NHSL2: variants seen among roughly 807,000 people sequenced by gnomAD.
The protein encoded by NHSL2 is NHS like 2.
In NHSL2, 27 loss-of-function variants were observed where a neutral mutation model predicts 53.4. The observed-to-expected ratio is 0.51, with a 90% CI of 0.37 to 0.70. NHSL2 has a LOEUF of 0.70. Among genes scored for constraint, NHSL2 ranks in the 30% least tolerant of loss-of-function variants. The pLI is 0.00. For synonymous variants in NHSL2, 408 were observed against 404.1 expected, an observed-to-expected ratio of 1.01 and a Z score of -0.12; for missense variants, 892 against 980.1, an observed-to-expected ratio of 0.91 and a Z score of 1.20.
intron 1 of NHSL2, among the ~76,000 whole-genome samples, chrX:71,927,848 C>T (rs970117849): frequency 8.9e-6 from 1 of 112,003 alleles, no homozygotes; most frequent in African/African-American, 3.2e-5. Context: ...CCTGAGCCAT[C>T]GCACCCGGCC....
intron 1 of NHSL2, among the ~76,000 whole-genome samples, chrX:72,053,950 G>T (rs772987559): frequency 8.9e-6 from 1 of 111,732 alleles, no homozygotes; most frequent in East Asian, 2.8e-4. Flanking sequence ...CTCACAGCGA[G>T]CTCCTTGGTG....
chrX:72,064,941 C>CCT (rs1470788927), intron 1 of NHSL2, among the ~76,000 whole-genome samples: 1 of 111,997 alleles, frequency 8.9e-6, no homozygotes, highest in Non-Finnish European at 1.9e-5. Flanking sequence ...AGCCACCATG[C>CCT]CTCCCTCCCT....
chrX:72,131,563 G>A (rs371564539), intron 1 of NHSL2: 15 of 1,144,781 alleles, frequency 1.3e-5, no homozygotes, highest in Middle Eastern at 2.9e-4. Context: ...AGGGGCCCTG[G>A]GGCTCCGTGG....
chrX:71,928,238 C>A lies in NHSL2; in HGVS notation c.280+16871C>A, dbSNP rs2041695242. 4.5e-5 allele frequency among the ~76,000 whole-genome samples: 5 copies of A among 111,690 alleles called. No homozygotes were observed. The Admixed American group carries it at 4.7e-4, about 11-fold the overall frequency. ...GGATTTGACCCTGGGAGAATTGATT[C>A]TTTAGTGCCCACTCAACTGCAGGAT... On this transcript the variant is annotated intron_variant, in intron 1 of 7. Transcript: ENST00000633930.
chrX:72,079,909 G>T (rs2041775347), intron 1 of NHSL2: 1 of 113,073 alleles, frequency 8.8e-6, no homozygotes, highest in African/African-American at 3.2e-5. Flanking sequence ...CCTGTCCGCT[G>T]TGACTGGGCC....
chrX:72,130,912 C>T, intron 1 of NHSL2: 1 of 1,211,945 alleles, frequency 8.3e-7, no homozygotes, highest in Non-Finnish European at 1.1e-6. Context: ...CAAGGGGCTT[C>T]CTTCCTGGGT....
intron 1 of NHSL2, among the ~76,000 whole-genome samples, chrX:71,936,541 G>A (rs1378975526): frequency 8.9e-6 from 1 of 112,771 alleles, no homozygotes; most frequent in African/African-American, 3.2e-5. Flanking sequence ...TGTTTCAGGG[G>A]CTGCCATGAG....
chrX:72,001,639 T>C lies in NHSL2; in HGVS notation c.280+90272T>C, dbSNP rs941077898. Among the ~76,000 whole-genome samples, 249 of 110,534 alleles carry C rather than the reference T, an allele frequency of 2.3e-3. 1 individual carries two copies. Among genetic ancestry groups the C allele is most frequent in the African/African-American group, 7.9e-3 (240 of 30,323 alleles). ...CAACCGAATGGCCAGAAGTTGCCCC[T>C]CCCCCCAGGAAGCCTTAACAGCCAG... On this transcript the variant is annotated intron_variant, in intron 1 of 7. Coordinates refer to ENST00000633930, the MANE Select transcript of NHSL2 (RefSeq NM_001013627.3).
At chrX:72,138,389 T>A (rs2042377970) in intron 5 of NHSL2, 52 bp from the exon 6 acceptor site, 1 of 997,002 alleles carries the variant, frequency 1.0e-6, no homozygotes, top group Admixed American at 3.9e-5. Flanking sequence ...TCAAAACAGC[T>A]GGTGGGAGAT....
intron 1 of NHSL2, among the ~76,000 whole-genome samples, chrX:71,990,096 C>T (rs2042020857): frequency 8.9e-6 from 1 of 112,052 alleles, no homozygotes. Context: ...TCCCACAGAG[C>T]TGCTTTGGAG....
At chrX:72,066,077 A>G (rs2042427592) in intron 1 of NHSL2, among the ~76,000 whole-genome samples, 1 of 111,678 alleles carries the variant, frequency 9.0e-6, no homozygotes, top group Non-Finnish European at 1.9e-5. Context: ...TGTGTCATGA[A>G]CAGATTTTAG....
At chrX:72,044,048 G>A (rs1424053067) in intron 1 of NHSL2, among the ~76,000 whole-genome samples, 2 of 111,949 alleles carry the variant, frequency 1.8e-5, no homozygotes, top group Non-Finnish European at 3.8e-5. Flanking sequence ...TGAGAGGACG[G>A]TGGGGAGTTA....
chrX:71,979,175 G>A (rs984933476), intron 1 of NHSL2, among the ~76,000 whole-genome samples: 2 of 110,310 alleles, frequency 1.8e-5, no homozygotes, highest in African/African-American at 6.6e-5. Context: ...GGACATTTGA[G>A]TTGGTTCCAA....
intron 1 of NHSL2, among the ~76,000 whole-genome samples, chrX:72,110,594 C>T (rs999675595): frequency 9.2e-6 from 1 of 109,289 alleles, no homozygotes; most frequent in East Asian, 2.9e-4. Context: ...ACCCCAGCCC[C>T]GGGACACTCC....
chrX:71,987,313 A>G (rs2042007373), intron 1 of NHSL2, among the ~76,000 whole-genome samples: 1 of 112,819 alleles, frequency 8.9e-6, no homozygotes, highest in African/African-American at 3.2e-5. Context: ...CTTGGCTAGT[A>G]AGCCATTGTA....
At chrX:72,005,616 G>T (rs895515198) in intron 1 of NHSL2, among the ~76,000 whole-genome samples, 1 of 111,855 alleles carries the variant, frequency 8.9e-6, no homozygotes, top group Non-Finnish European at 1.9e-5. Flanking sequence ...TTGACAATGG[G>T]GCGTGAAGCA....
At chrX:72,068,637 C>T (rs1401009241) in intron 1 of NHSL2, among the ~76,000 whole-genome samples, 2 of 101,142 alleles carry the variant, frequency 2.0e-5, no homozygotes, top group African/African-American at 7.1e-5. Flanking sequence ...TGAGCGGCTG[C>T]GTAAGTGTGT....
At chrX:72,132,008 C>T (rs920489014) in intron 1 of NHSL2, 71 bp from the exon 2 acceptor site, 2 of 1,081,523 alleles carry the variant, frequency 1.8e-6, no homozygotes, top group African/African-American at 3.7e-5. Flanking sequence ...GAACCGCGGG[C>T]GCCCACTGGC....
At chrX:72,062,538 T>C (rs1299206246) in intron 1 of NHSL2, among the ~76,000 whole-genome samples, 1 of 111,768 alleles carries the variant, frequency 8.9e-6, no homozygotes, top group Non-Finnish European at 1.9e-5. Flanking sequence ...GGAGGTTGAG[T>C]GCCTTGGGAA....
Sources: allele counts gnomAD v4.1 joint callset (sites outside exome capture counted in the v4.1 genomes callset), GRCh38; gene constraint gnomAD v4.1.1; transcripts MANE v1.5; gene names NCBI Gene and HGNC (gene_info 2026-07-23, HGNC 2026-07-21).